The following BTRC variants were observed in gnomAD, a reference collection of about 807,000 sequenced individuals.
BTRC encodes beta-transducin repeat containing E3 ubiquitin protein ligase.
A neutral mutation model predicts 85.5 loss-of-function variants in BTRC; 42 were observed. The ratio of observed to expected loss-of-function variants is 0.49; its 90% CI spans 0.38 to 0.64. The LOEUF (loss-of-function observed/expected upper bound fraction) is 0.64, where lower values mean the gene tolerates loss of function less well. Among genes scored for constraint, BTRC ranks in the 30% least tolerant of loss-of-function variants. The pLI is 0.00. For missense variants in BTRC, 594 were observed against 743.5 expected, an observed-to-expected ratio of 0.80 and a Z score of 2.34; for synonymous variants, 255 against 263.3, an observed-to-expected ratio of 0.97 and a Z score of 0.30.
chr10:101,550,235 T>C (rs1006100783), intron 13 of BTRC, among the ~76,000 whole-genome samples: 1 of 152,174 alleles, frequency 6.6e-6, no homozygotes, highest in African/African-American at 2.4e-5. Context: ...GACTTTTCCA[T>C]GCTGCCTTTA....
intron 1 of BTRC, among the ~76,000 whole-genome samples, chr10:101,365,301 G>C (rs1205086990): frequency 1.3e-5 from 2 of 150,666 alleles, no homozygotes; most frequent in African/African-American, 2.4e-5. Context: ...TTGAACTCCG[G>C]ATCTCAGGTG....
chr10:101,414,472 ATG>A (rs1462196427), intron 1 of BTRC, among the ~76,000 whole-genome samples: 2 of 152,158 alleles, frequency 1.3e-5, no homozygotes, highest in African/African-American at 4.8e-5. Flanking sequence ...ATAAACAACT[ATG>A]TTACTGGTTT....
intron 3 of BTRC, among the ~76,000 whole-genome samples, chr10:101,478,205 G>T (rs1945740689): frequency 6.6e-6 from 1 of 151,746 alleles, no homozygotes; most frequent in South Asian, 2.1e-4. Context: ...GGAGACTCAG[G>T]TGGGAGAATC....
intron 3 of BTRC, among the ~76,000 whole-genome samples, chr10:101,467,586 T>C (rs2134187925): frequency 6.6e-6 from 1 of 152,190 alleles, no homozygotes; most frequent in Admixed American, 6.5e-5. Context: ...TACTTTCGTT[T>C]GGGGTTTGCA....
chr10:101,424,357 C>T (rs1006298822), intron 1 of BTRC, among the ~76,000 whole-genome samples: 1 of 152,150 alleles, frequency 6.6e-6, no homozygotes, highest in Non-Finnish European at 1.5e-5. Flanking sequence ...AATTGGGATT[C>T]TTAAGAGGCA....
rs1421337811 is a variant in BTRC at position 101,500,912 on chromosome 10, G to A, written c.325-20727G>A. ...TGAAAAATGTTTTTTAAAATTCGAG[G>A]GCCAGGCACAGTGGCTCAAGTCTGT... On this transcript the variant is annotated intron_variant, in intron 4 of 14. Coordinates refer to ENST00000370187, the MANE Select transcript of BTRC (RefSeq NM_033637.4). 2.6e-5 allele frequency among the ~76,000 whole-genome samples: 4 copies of A among 152,148 alleles called. No individual in the cohort carries two copies. The East Asian group carries it at 7.7e-4, about 29-fold the overall frequency.
In BTRC at chr10:101,522,409, C is replaced by CTTTTTTTTTTTTTTTTTTTTTTTTTTTTT. The variant is rs1176651688; in HGVS notation, c.556+567_556+568insTTTTTTTTTTTTTTTTTTTTTTTTTTTTT. 6.8e-5 allele frequency among the ~76,000 whole-genome samples: 2 copies of CTTTTTTTTTTTTTTTTTTTTTTTTTTTTT among 29,544 alleles called. 1 individual carries two copies. Among genetic ancestry groups the CTTTTTTTTTTTTTTTTTTTTTTTTTTTTT allele is most frequent in the African/African-American group, 2.6e-4 (2 of 7,654 alleles). 19.4% of individuals were successfully genotyped at this position (29,544 alleles called of 152,430 possible). A position where few individuals can be genotyped will look rare whatever the true frequency, so the allele number is the denominator to read the frequency against. On this transcript the variant is annotated intron_variant, in intron 5 of 14. Coordinates refer to ENST00000370187, the MANE Select transcript of BTRC (RefSeq NM_033637.4). Reference sequence around the variant, plus strand: ...AAAAAAACTCTAGAAATAAAGACTCCTTTTTTTTTTTTTTTTTTTTTTTTT... The same window carrying CTTTTTTTTTTTTTTTTTTTTTTTTTTTTT: ...AAAAAAACTCTAGAAATAAAGACTCCTTTTTTTTTTTTTTTTTTTTTTTTTTTTTTTTTTTTTTTTTTTTTTTTTTTTTT...
intron 1 of BTRC, among the ~76,000 whole-genome samples, chr10:101,388,897 T>A (rs1166616040): frequency 6.6e-6 from 1 of 152,214 alleles, no homozygotes; most frequent in Non-Finnish European, 1.5e-5. Context: ...CTTTTATTTA[T>A]GTTAGAGTTT....
At chr10:101,387,402 A>G (rs4917939) in intron 1 of BTRC, among the ~76,000 whole-genome samples, 41,067 of 151,150 alleles carry the variant, frequency 0.27, 6,682 homozygotes, top group South Asian at 0.4. Context: ...ACAGTGCTGT[A>G]GAACACTAGG....
intron 1 of BTRC, among the ~76,000 whole-genome samples, chr10:101,403,990 A>G (rs10883639): frequency 0.33 from 31,118 of 95,516 alleles, 5,230 homozygotes; most frequent in Middle Eastern, 0.47. Flanking sequence ...ATCTATGTGT[A>G]TGTGTGTGTG....
intron 4 of BTRC, among the ~76,000 whole-genome samples, chr10:101,485,281 G>A (rs1175637352): frequency 1.3e-5 from 2 of 152,132 alleles, no homozygotes; most frequent in Non-Finnish European, 2.9e-5. Flanking sequence ...TCTTGCTACC[G>A]GCACTCATTG....
intron 11 of BTRC, among the ~76,000 whole-genome samples, chr10:101,535,715 C>CT (rs1315834977): frequency 3.3e-5 from 5 of 152,146 alleles, no homozygotes. Context: ...AGCTAACAGC[C>CT]TTTTCTTTGC....
intron 1 of BTRC, among the ~76,000 whole-genome samples, chr10:101,425,683 G>A (rs1944234245): frequency 6.7e-6 from 1 of 150,110 alleles, no homozygotes; most frequent in African/African-American, 2.5e-5. Flanking sequence ...GGTGGTGCAC[G>A]CCTGTAGTCC....
intron 4 of BTRC, among the ~76,000 whole-genome samples, chr10:101,493,421 C>T (rs755526997): frequency 9.2e-5 from 14 of 152,302 alleles, no homozygotes; most frequent in Admixed American, 4.6e-4. Flanking sequence ...AAGTAATTTG[C>T]CCAAGGTCAT....
intron 1 of BTRC, among the ~76,000 whole-genome samples, chr10:101,361,834 A>G (rs1053914763): frequency 6.6e-6 from 1 of 152,218 alleles, no homozygotes; most frequent in Non-Finnish European, 1.5e-5. Flanking sequence ...CTGAGGCACT[A>G]CCTGCTAGTT....
At chr10:101,411,243 C>G (rs1460826093) in intron 1 of BTRC, among the ~76,000 whole-genome samples, 1 of 152,084 alleles carries the variant, frequency 6.6e-6, no homozygotes, top group Non-Finnish European at 1.5e-5. Flanking sequence ...ATCTACCTGC[C>G]TCGGCCTCCC....
chr10:101,367,756 T>C (rs1942511519), intron 1 of BTRC, among the ~76,000 whole-genome samples: 1 of 152,208 alleles, frequency 6.6e-6, no homozygotes, highest in Non-Finnish European at 1.5e-5. Context: ...GTAAGATGAT[T>C]CATTCAGGTT....
At chr10:101,355,368 C>A (rs1375169608) in intron 1 of BTRC, among the ~76,000 whole-genome samples, 3 of 152,058 alleles carry the variant, frequency 2.0e-5, no homozygotes, top group Non-Finnish European at 4.4e-5. Flanking sequence ...GTGCTTAAAC[C>A]CCTTGGAACA....
intron 1 of BTRC, among the ~76,000 whole-genome samples, chr10:101,360,370 CTTT>C (rs35794052): frequency 6.7e-5 from 6 of 89,928 alleles, no homozygotes; most frequent in Non-Finnish European, 1.3e-4. Context: ...ATGGGATCTG[CTTT>C]TTTTTTTTTT....
Sources: allele counts gnomAD v4.1 joint callset (sites outside exome capture counted in the v4.1 genomes callset), GRCh38; gene constraint gnomAD v4.1.1; transcripts MANE v1.5; gene names NCBI Gene and HGNC (gene_info 2026-07-23, HGNC 2026-07-21).